The following SLC10A7 variants were observed in gnomAD, a reference collection of about 807,000 sequenced individuals.
SLC10A7 encodes the protein solute carrier family 10 member 7.
In SLC10A7, 29 loss-of-function variants were observed where a neutral mutation model predicts 43.2. The ratio of observed to expected loss-of-function variants is 0.67; its 90% confidence interval spans 0.50 to 0.92. SLC10A7 has a LOEUF of 0.92. SLC10A7 is among the 40% of genes least tolerant of loss of function. The pLI is 0.00. For missense variants in SLC10A7, 295 were observed against 403.2 expected (o/e 0.73, Z 2.30); for synonymous variants, 152 against 144.8 (o/e 1.05, Z -0.35).
At chr4:146,372,522 C>A (rs1279366803) in intron 5 of SLC10A7, among the ~76,000 whole-genome samples, 1 of 151,334 alleles carries the variant, frequency 6.6e-6, no homozygotes, top group Non-Finnish European at 1.5e-5. Flanking sequence ...GACCTTTGTT[C>A]TAGCCTTCTC....
intron 5 of SLC10A7, among the ~76,000 whole-genome samples, chr4:146,332,387 T>C (rs577826705): frequency 6.6e-6 from 1 of 152,316 alleles, no homozygotes; most frequent in East Asian, 1.9e-4. Flanking sequence ...TAATCTCCAA[T>C]GTTGGTGGTG....
intron 5 of SLC10A7, among the ~76,000 whole-genome samples, chr4:146,366,608 ATTATAC>A: frequency 6.6e-6 from 1 of 152,322 alleles, no homozygotes. Context: ...CATCGACATT[ATTATAC>A]TTTTGAAAGA....
intron 7 of SLC10A7, among the ~76,000 whole-genome samples, chr4:146,299,321 C>A (rs988269510): frequency 6.6e-6 from 1 of 152,188 alleles, no homozygotes; most frequent in Non-Finnish European, 1.5e-5. Flanking sequence ...GTTGAGGTGA[C>A]TCAGTGGATT....
chr4:146,456,676 C>T (rs1328195866), intron 4 of SLC10A7, among the ~76,000 whole-genome samples: 1 of 151,892 alleles, frequency 6.6e-6, no homozygotes, highest in Non-Finnish European at 1.5e-5. Context: ...TCAAGATGCT[C>T]ACAAACCAAG....
At chr4:146,349,248 A>G (rs111431597) in intron 5 of SLC10A7, among the ~76,000 whole-genome samples, 16 of 152,316 alleles carry the variant, frequency 1.1e-4, no homozygotes, top group African/African-American at 3.8e-4. Flanking sequence ...GCCAAAAAAT[A>G]CATGAAAAAA....
chr4:146,440,159 A>G (rs1333817879), intron 5 of SLC10A7, among the ~76,000 whole-genome samples: 2 of 152,168 alleles, frequency 1.3e-5, no homozygotes, highest in Non-Finnish European at 2.9e-5. Flanking sequence ...ATATTTCCCA[A>G]CTTCAGTGGC....
intron 3 of SLC10A7, among the ~76,000 whole-genome samples, chr4:146,507,183 T>A (rs1374265158): frequency 6.6e-6 from 1 of 151,914 alleles, no homozygotes; most frequent in African/African-American, 2.4e-5. Context: ...AATTTACATA[T>A]TTTTTTTGAT....
chr4:146,378,408 A>T (rs1250499255), intron 5 of SLC10A7, among the ~76,000 whole-genome samples: 2 of 152,242 alleles, frequency 1.3e-5, no homozygotes, highest in Admixed American at 1.3e-4. Flanking sequence ...ACTGAATCAC[A>T]AAGATAACCA....
At chr4:146,394,967 A>ATT (rs1459231816) in intron 5 of SLC10A7, among the ~76,000 whole-genome samples, 1 of 152,152 alleles carries the variant, frequency 6.6e-6, no homozygotes, top group Non-Finnish European at 1.5e-5. Flanking sequence ...TCCAAACAAC[A>ATT]TTTCTACTTC....
chr4:146,307,040 G>A (rs1731626400), intron 6 of SLC10A7, among the ~76,000 whole-genome samples: 1 of 152,156 alleles, frequency 6.6e-6, no homozygotes. Flanking sequence ...AAACAAAACA[G>A]ATCAAACATT....
chr4:146,380,656 C>T (rs1180976182), intron 5 of SLC10A7, among the ~76,000 whole-genome samples: 1 of 152,044 alleles, frequency 6.6e-6, no homozygotes, highest in African/African-American at 2.4e-5. Flanking sequence ...AAAATGTAGG[C>T]GATCCATTGA....
At position 146,283,195 on chromosome 4, in the gene SLC10A7, A is replaced by G. The variant is rs149525093; in HGVS notation, c.844T>C (p.Leu282=). The G allele has an allele frequency of 4.3e-5, 69 of 1,611,000 alleles. No homozygotes were observed. In the African/African-American group the frequency reaches 6.9e-4, roughly 16 times the overall value. Reference sequence around the variant, plus strand: ...TTTAACTCTGTGAATCACTTACCCAATGTAAGGGATTTGTGTGTAGAACAG... The same window carrying G: ...TTTAACTCTGTGAATCACTTACCCAGTGTAAGGGATTTGTGTGTAGAACAG... ...IFCSTHKSLT[L]GIPMLKIVFA... is the part of the protein sequence containing the mutation. The change falls in exon 10 of 12, where the codon TTG becomes CTG. Residue 282 remains leucine (L), a synonymous_variant. Coordinates refer to ENST00000335472, the MANE Select transcript of SLC10A7 (RefSeq NM_001029998.6).
chr4:146,298,603 G>A (rs1449843148), intron 7 of SLC10A7, among the ~76,000 whole-genome samples: 2 of 152,098 alleles, frequency 1.3e-5, no homozygotes, highest in African/African-American at 4.8e-5. Flanking sequence ...ATAAAAAGTG[G>A]TAGAATTTCT....
At chr4:146,367,466 C>A (rs1238923279) in intron 5 of SLC10A7, among the ~76,000 whole-genome samples, 1 of 151,986 alleles carries the variant, frequency 6.6e-6, no homozygotes, top group East Asian at 1.9e-4. Context: ...ATTTAATTAG[C>A]CACATGTGGC....
intron 5 of SLC10A7, among the ~76,000 whole-genome samples, chr4:146,420,120 A>G (rs1189471559): frequency 6.6e-6 from 1 of 152,206 alleles, no homozygotes; most frequent in East Asian, 1.9e-4. Flanking sequence ...GAGGAGAATT[A>G]ATGGTTGAAC....
intron 5 of SLC10A7, among the ~76,000 whole-genome samples, chr4:146,381,521 C>T (rs754029446): frequency 6.6e-6 from 1 of 152,080 alleles, no homozygotes; most frequent in Non-Finnish European, 1.5e-5. Context: ...TTGCAGATAA[C>T]TCATCCCAAA....
intron 5 of SLC10A7, among the ~76,000 whole-genome samples, chr4:146,329,450 C>G (rs984486215): frequency 6.6e-6 from 1 of 152,162 alleles, no homozygotes; most frequent in African/African-American, 2.4e-5. Context: ...TCCTCACACT[C>G]TCTGACATAG....
At chr4:146,349,498 C>T (rs751715879) in intron 5 of SLC10A7, among the ~76,000 whole-genome samples, 3 of 152,162 alleles carry the variant, frequency 2.0e-5, no homozygotes, top group Non-Finnish European at 4.4e-5. Flanking sequence ...CTCAGCCAAT[C>T]CCATTACTGG....
rs1248540392 is a variant in SLC10A7, at chr4:146,256,840, CTT to C, written c.994-322_994-321del. ...CTCATGGATACCTGGAGGATGGACT[CTT>C]GGTATTTATTTTAATGCCCAAATTT... On this transcript the variant is annotated intron_variant, in intron 11 of 11. Coordinates refer to ENST00000335472, the MANE Select transcript of SLC10A7 (RefSeq NM_001029998.6). 4.6e-6 allele frequency: 7 copies of C among 1,535,664 alleles called. No homozygotes were observed. The South Asian group carries it at 8.3e-5, about 18-fold the overall frequency.
Sources: allele counts gnomAD v4.1 joint callset (sites outside exome capture counted in the v4.1 genomes callset), GRCh38; gene constraint gnomAD v4.1.1; transcripts MANE v1.5; gene names NCBI Gene and HGNC (gene_info 2026-07-23, HGNC 2026-07-21).